The following ZNF267 variants were observed in gnomAD, a reference collection of about 807,000 sequenced individuals.
ZNF267 encodes the protein zinc finger protein 267, also known as zinc finger (C2H2).
A neutral mutation model predicts 71.6 loss-of-function variants in ZNF267; 61 were observed. That is an observed-to-expected ratio of 0.85 (90% CI 0.69 to 1.05). ZNF267 has a LOEUF of 1.05. ZNF267 is among the 50% of genes least tolerant of loss of function. The pLI is 0.00. For synonymous variants in ZNF267, 288 were observed against 293.2 expected, an observed-to-expected ratio of 0.98 and a Z score of 0.18; for missense variants, 852 against 870.0, an observed-to-expected ratio of 0.98 and a Z score of 0.26.
chr16:31,894,044 C>T (rs188570657), intron 3 of ZNF267, among the ~76,000 whole-genome samples: 7 of 152,296 alleles, frequency 4.6e-5, no homozygotes, highest in South Asian at 2.1e-4. Context: ...TTTCTGTAGC[C>T]AGGACCATGA....
In ZNF267 at chr16:31,873,915, A is replaced by C. The variant is rs758541939; in HGVS notation, c.-52A>C. The C allele has an allele frequency of 7.5e-5, 121 of 1,613,090 alleles. No individual in the cohort carries two copies. The highest frequency in any genetic ancestry group is 1.0e-4 in the Non-Finnish European group (118 of 1,179,328). Reference sequence around the variant, plus strand: ...GAACCTCTGTTGCTCTGCGACTTGCAGGCACTGGGAGATTCGTAGCTAAGA... The same window carrying C: ...GAACCTCTGTTGCTCTGCGACTTGCCGGCACTGGGAGATTCGTAGCTAAGA... On this transcript the variant is annotated 5_prime_UTR_variant, in exon 1 of 4. Transcript: ENST00000300870.
intron 3 of ZNF267, among the ~76,000 whole-genome samples, chr16:31,903,256 G>T (rs1411025551): frequency 1.3e-5 from 2 of 151,934 alleles, no homozygotes; most frequent in African/African-American, 2.4e-5. Flanking sequence ...CTCTTTTTTT[G>T]TTGTGTGTCT....
chr16:31,885,626 G>A (rs1440323856), intron 3 of ZNF267, among the ~76,000 whole-genome samples: 1 of 152,234 alleles, frequency 6.6e-6, no homozygotes, highest in Admixed American at 6.5e-5. Context: ...CCTCATGTCA[G>A]AAGTGTGTGA....
intron 3 of ZNF267, among the ~76,000 whole-genome samples, chr16:31,889,756 A>C (rs566295098): frequency 6.6e-6 from 1 of 152,144 alleles, no homozygotes; most frequent in Non-Finnish European, 1.5e-5. Context: ...CTTTTAAACA[A>C]CCAGATCTCA....
At chr16:31,884,718 T>C (rs1012709287) in intron 2 of ZNF267, 94 bp downstream of exon 2, 2 of 1,299,848 alleles carry the variant, frequency 1.5e-6, no homozygotes, top group Admixed American at 2.6e-5. Context: ...TATGAGTTAG[T>C]TTTAGATTCT....
intron 3 of ZNF267, among the ~76,000 whole-genome samples, chr16:31,895,888 A>G (rs2083994634): frequency 6.6e-6 from 1 of 152,228 alleles, no homozygotes. Flanking sequence ...TTTCATATGT[A>G]TAGTTTGCAA....
Position 31,915,008 on chromosome 16 carries a change from T to C in ZNF267, c.759T>C (p.Phe253=), listed in dbSNP as rs754710485. ...AATGTAAAGAATTTGAGGAAGTCTT[T>C]CTTCAGAGTATGCATGGGCAAGAGA... The part of the protein sequence containing the change: ...QYKCKEFEEV[F]LQSMHGQEKQ... Residue 253 remains phenylalanine (F), a synonymous_variant, in exon 4 of 4, where the codon TTT becomes TTC. Transcript: ENST00000300870. 1 of 1,609,104 alleles carries C rather than the reference T, an allele frequency of 6.2e-7. No individual in the cohort carries two copies. The highest frequency in any genetic ancestry group is 2.2e-5 in the East Asian group (1 of 44,786).
At chr16:31,882,567 T>C (rs983339756) in intron 1 of ZNF267, among the ~76,000 whole-genome samples, 2 of 152,206 alleles carry the variant, frequency 1.3e-5, no homozygotes, top group African/African-American at 4.8e-5. Flanking sequence ...TATGTATGCG[T>C]ATTGAACCTT....
At chr16:31,882,220 G>T (rs1366580781) in intron 1 of ZNF267, among the ~76,000 whole-genome samples, 1 of 152,176 alleles carries the variant, frequency 6.6e-6, no homozygotes, top group Non-Finnish European at 1.5e-5. Flanking sequence ...CTGCTTTAAT[G>T]CATGTATCCG....
chr16:31,906,394 G>A (rs567994714), intron 3 of ZNF267, among the ~76,000 whole-genome samples: 52 of 152,296 alleles, frequency 3.4e-4, no homozygotes, highest in African/African-American at 1.2e-3. Flanking sequence ...ACGGAGGCAG[G>A]CAGGCCTCCT....
At chr16:31,875,447 C>T (rs1378256993) in intron 1 of ZNF267, 10 of 644,806 alleles carry the variant, frequency 1.6e-5, no homozygotes, top group Non-Finnish European at 2.0e-5. Flanking sequence ...CTTGGAGACA[C>T]ATTGCTGGTC....
At chr16:31,914,407 T>C in intron 3 of ZNF267, 69 bp from the exon 4 acceptor site, 1 of 1,350,036 alleles carries the variant, frequency 7.4e-7, no homozygotes, top group Non-Finnish European at 1.0e-6. Context: ...TAATTTTGTA[T>C]ATTAGATTTG....
chr16:31,900,952 C>T (rs927224774), intron 3 of ZNF267, among the ~76,000 whole-genome samples: 4 of 151,898 alleles, frequency 2.6e-5, no homozygotes, highest in African/African-American at 7.3e-5. Flanking sequence ...CCTCTCCTCT[C>T]CCCCCACCCC....
rs878881137 is a variant in ZNF267, at chr16:31,916,322, T to C, written c.2073T>C (p.Asp691=). The change falls in exon 4 of 4, where the codon GAT becomes GAC. Residue 691 remains aspartate (D), a synonymous_variant. Transcript: ENST00000300870. ...RHTGERPYKC[D]ECGKAFSYRS... is the part of the protein sequence containing the mutation. Reference sequence around the variant, plus strand: ...CTGGAGAGAGACCCTACAAATGTGATGAATGTGGTAAAGCCTTCAGCTATA... The same window carrying C: ...CTGGAGAGAGACCCTACAAATGTGACGAATGTGGTAAAGCCTTCAGCTATA... 6.3e-7 allele frequency: 1 copy of C among 1,585,410 alleles called. No homozygotes were observed. The highest frequency in any genetic ancestry group is 8.6e-7 in the Non-Finnish European group (1 of 1,169,552).
chr16:31,897,156 A>G (rs551796827), intron 3 of ZNF267, among the ~76,000 whole-genome samples: 1 of 149,078 alleles, frequency 6.7e-6, no homozygotes, highest in Non-Finnish European at 1.5e-5. Context: ...ACAAAACAAA[A>G]CAAAAAAAAC....
chr16:31,903,553 A>G (rs2084060400), intron 3 of ZNF267, among the ~76,000 whole-genome samples: 1 of 152,170 alleles, frequency 6.6e-6, no homozygotes, highest in Admixed American at 6.5e-5. Context: ...GATTTCTTCT[A>G]GATTTTCTAG....
intron 3 of ZNF267, chr16:31,894,642 G>A (rs974135149): frequency 2.1e-6 from 1 of 485,004 alleles, no homozygotes. Flanking sequence ...CGCTGGACAT[G>A]CCTGCTGGAG....
chr16:31,909,703 A>G (rs1682054329), intron 3 of ZNF267, among the ~76,000 whole-genome samples: 1 of 152,210 alleles, frequency 6.6e-6, no homozygotes, highest in Non-Finnish European at 1.5e-5. Context: ...ACCATCTGCA[A>G]ACAAGAATAA....
At chr16:31,874,110 C>T in intron 1 of ZNF267, 141 bp downstream of exon 1, 3 of 878,920 alleles carry the variant, frequency 3.4e-6, no homozygotes, top group Non-Finnish European at 5.3e-6. Context: ...GCAGCTCGGC[C>T]CTCGGTCCCC....
Sources: allele counts gnomAD v4.1 joint callset (sites outside exome capture counted in the v4.1 genomes callset), GRCh38; gene constraint gnomAD v4.1.1; transcripts MANE v1.5; gene names NCBI Gene and HGNC (gene_info 2026-07-23, HGNC 2026-07-21).